ROBO2: variants seen among roughly 807,000 people sequenced by gnomAD.
The protein encoded by ROBO2 is roundabout homolog 2.
Under a neutral mutation model 160.8 loss-of-function variants are expected in ROBO2, and 53 were observed. That is an observed-to-expected ratio of 0.33 (90% CI 0.26 to 0.41). The LOEUF (loss-of-function observed/expected upper bound fraction) is 0.41, where lower values mean the gene tolerates loss of function less well. Among genes scored for constraint, ROBO2 ranks in the 10% least tolerant of loss-of-function variants. The pLI is 1.00. For synonymous variants in ROBO2, 664 were observed against 611.7 expected (o/e 1.09, Z -1.26); for missense variants, 1,577 against 1,722.4 (o/e 0.92, Z 1.49).
chr3:76,270,869 C>G (rs960794976), intron 2 of ROBO2, among the ~76,000 whole-genome samples: 1 of 151,864 alleles, frequency 6.6e-6, no homozygotes, highest in African/African-American at 2.4e-5. Flanking sequence ...AGACGCTGGA[C>G]AAGCCGATTT....
At chr3:76,033,616 C>G (rs1031051433) in intron 2 of ROBO2, among the ~76,000 whole-genome samples, 3 of 152,166 alleles carry the variant, frequency 2.0e-5, no homozygotes, top group African/African-American at 7.2e-5. Flanking sequence ...TAAACCACCC[C>G]AAAGCTTAAT....
intron 2 of ROBO2, among the ~76,000 whole-genome samples, chr3:76,999,430 C>T (rs191799631): frequency 1.1e-4 from 16 of 152,266 alleles, no homozygotes; most frequent in Non-Finnish European, 1.9e-4. Flanking sequence ...AAATATCCAA[C>T]ATGCCTGCTG....
intron 2 of ROBO2, among the ~76,000 whole-genome samples, chr3:76,227,389 A>G (rs879535920): frequency 1.5e-4 from 23 of 152,182 alleles, no homozygotes; most frequent in Non-Finnish European, 2.5e-4. Flanking sequence ...GTGGATAAAA[A>G]TGATTGTCTC....
At chr3:76,156,148 T>G (rs928201918) in intron 2 of ROBO2, among the ~76,000 whole-genome samples, 2 of 152,128 alleles carry the variant, frequency 1.3e-5, no homozygotes, top group African/African-American at 2.4e-5. Flanking sequence ...TTACTTTTTC[T>G]GAATCAGAAC....
intron 2 of ROBO2, among the ~76,000 whole-genome samples, chr3:76,294,147 G>A (rs1203034855): frequency 6.6e-6 from 1 of 152,176 alleles, no homozygotes; most frequent in Non-Finnish European, 1.5e-5. Context: ...GTGGGTGCCG[G>A]GAGTCGGGGA....
chr3:76,135,156 C>A (rs936479732), intron 2 of ROBO2, among the ~76,000 whole-genome samples: 3 of 151,980 alleles, frequency 2.0e-5, no homozygotes, highest in Non-Finnish European at 2.9e-5. Context: ...ACTTCAGTCC[C>A]CTTGCATCTC....
chr3:76,980,808 A>G (rs2060059804), intron 2 of ROBO2, among the ~76,000 whole-genome samples: 1 of 152,132 alleles, frequency 6.6e-6, no homozygotes, highest in South Asian at 2.1e-4. Context: ...TTTTTATTGT[A>G]TCAAGAAAAC....
chr3:75,990,811 C>A (rs2065545218), intron 2 of ROBO2, among the ~76,000 whole-genome samples: 1 of 152,078 alleles, frequency 6.6e-6, no homozygotes, highest in African/African-American at 2.4e-5. Flanking sequence ...ACCCAGGGAG[C>A]TGCTAAGACA....
At chr3:76,381,798 C>T (rs2076637831) in intron 2 of ROBO2, among the ~76,000 whole-genome samples, 1 of 152,062 alleles carries the variant, frequency 6.6e-6, no homozygotes. Flanking sequence ...AGAATTGAGA[C>T]AGAGAGAGGT....
intron 2 of ROBO2, among the ~76,000 whole-genome samples, chr3:75,966,672 A>G (rs568734607): frequency 2.0e-5 from 3 of 151,780 alleles, no homozygotes; most frequent in South Asian, 4.1e-4. Flanking sequence ...AAATAAGACA[A>G]TTTGTAAAAT....
chr3:76,769,173 C>T (rs1217893013), intron 2 of ROBO2, among the ~76,000 whole-genome samples: 1 of 151,306 alleles, frequency 6.6e-6, no homozygotes, highest in Admixed American at 6.6e-5. Flanking sequence ...TGTGATGATG[C>T]TCAAAGTATA....
chr3:76,481,865 T>TC (rs1177007158), intron 2 of ROBO2, among the ~76,000 whole-genome samples: 2 of 152,076 alleles, frequency 1.3e-5, no homozygotes, highest in African/African-American at 4.8e-5. Context: ...CCTGAAGATC[T>TC]CCCCAAAAGT....
At chr3:77,266,440 G>A (rs1261111884) in intron 2 of ROBO2, among the ~76,000 whole-genome samples, 1 of 152,062 alleles carries the variant, frequency 6.6e-6, no homozygotes, top group Non-Finnish European at 1.5e-5. Context: ...CACCACAACA[G>A]AAAGACCTGC....
intron 2 of ROBO2, among the ~76,000 whole-genome samples, chr3:76,052,844 A>C (rs2067701073): frequency 6.6e-6 from 1 of 152,066 alleles, no homozygotes; most frequent in Non-Finnish European, 1.5e-5. Flanking sequence ...AAGTGAACAT[A>C]AAGTCATCAC....
intron 2 of ROBO2, among the ~76,000 whole-genome samples, chr3:76,513,009 A>G (rs1035909186): frequency 3.9e-5 from 6 of 152,180 alleles, no homozygotes; most frequent in Admixed American, 1.3e-4. Context: ...GAAATACATA[A>G]CACAGTTTAA....
At chr3:76,663,833 G>A (rs2091918732) in intron 2 of ROBO2, among the ~76,000 whole-genome samples, 3 of 152,056 alleles carry the variant, frequency 2.0e-5, no homozygotes, top group African/African-American at 7.2e-5. Context: ...GAACCCGGGA[G>A]GCGGAGGTTG....
At chr3:76,842,958 T>G (rs2068433916) in intron 2 of ROBO2, among the ~76,000 whole-genome samples, 1 of 152,044 alleles carries the variant, frequency 6.6e-6, no homozygotes, top group South Asian at 2.1e-4. Context: ...ATTACAAGCC[T>G]TCTCATTTTC....
At chr3:75,913,638 T>C (rs1946688677) in intron 1 of ROBO2, among the ~76,000 whole-genome samples, 2 of 152,132 alleles carry the variant, frequency 1.3e-5, no homozygotes, top group Admixed American at 1.3e-4. Context: ...ACTGCTGGGG[T>C]CAAAAATATT....
intron 2 of ROBO2, among the ~76,000 whole-genome samples, chr3:76,770,434 A>G (rs1275952950): frequency 6.6e-6 from 1 of 151,298 alleles, no homozygotes; most frequent in Non-Finnish European, 1.5e-5. Flanking sequence ...TTTATGAGAA[A>G]GAAACACCTG....
Sources: gnomAD v4.1 joint callset for allele counts (sites outside exome capture counted in the v4.1 genomes callset) on GRCh38, gnomAD v4.1.1 for gene constraint, MANE v1.5 for transcripts, NCBI Gene and HGNC (gene_info 2026-07-23, HGNC 2026-07-21) for gene names.